UNC5A: variants seen among roughly 807,000 people sequenced by gnomAD.
UNC5A encodes the protein unc-5 netrin receptor A, also known as netrin receptor UNC5A.
A neutral mutation model predicts 87.4 loss-of-function variants in UNC5A; 20 were observed. The ratio of observed to expected loss-of-function variants is 0.23; its 90% confidence interval spans 0.16 to 0.33. The LOEUF is 0.33. Among genes scored for constraint, UNC5A ranks in the 10% least tolerant of loss-of-function variants. UNC5A has a pLI of 1.00. For missense variants in UNC5A, 844 were observed against 1,133.4 expected, an observed-to-expected ratio of 0.74 and a Z score of 3.67; for synonymous variants, 438 against 482.3, an observed-to-expected ratio of 0.91 and a Z score of 1.20.
chr5:176,825,919 C>T (rs1450921041), intron 1 of UNC5A, among the ~76,000 whole-genome samples: 3 of 152,170 alleles, frequency 2.0e-5, no homozygotes, highest in Admixed American at 6.5e-5. Context: ...GGCCGTGTGA[C>T]CATGAGGGAG....
chr5:176,867,931 C>A (rs1353214101), intron 2 of UNC5A, among the ~76,000 whole-genome samples, 199 bp from the exon 3 acceptor site: 1 of 152,156 alleles, frequency 6.6e-6, no homozygotes, highest in East Asian at 1.9e-4. Context: ...AATCAAGCGG[C>A]CCTTGGGCCC....
rs1179793659 is a variant in UNC5A, at chr5:176,838,003, G to C, written c.71-24621G>C. On this transcript the variant is annotated intron_variant, in intron 1 of 14. Coordinates refer to ENST00000329542, the MANE Select transcript of UNC5A (RefSeq NM_133369.3). The surrounding 1 kb of genome is among the most constrained non-coding windows in gnomAD (Gnocchi z 4.2). Reference sequence around the variant, plus strand: ...AGCACATATACATCCAGTCACTGTTGTGCAAGAGTACACTACTGAACGGAA... The same window carrying C: ...AGCACATATACATCCAGTCACTGTTCTGCAAGAGTACACTACTGAACGGAA... Among the ~76,000 whole-genome samples the C allele has an allele frequency of 6.6e-6, 1 of 152,152 alleles. No homozygotes were observed. Among genetic ancestry groups the C allele is most frequent in the East Asian group, 1.9e-4 (1 of 5,188 alleles).
rs145212199 is a variant in UNC5A at position 176,846,109 on chromosome 5, C to T, written c.71-16515C>T. On this transcript the variant is annotated intron_variant, in intron 1 of 14. Transcript: ENST00000329542. ...GGGTAGCCACATAGGATGGCTGAGGCGAAATGTTCTGCAGTGGCGAGCCTG... is the reference window on the plus strand; with the variant it reads ...GGGTAGCCACATAGGATGGCTGAGGTGAAATGTTCTGCAGTGGCGAGCCTG... Among the ~76,000 whole-genome samples the T allele has an allele frequency of 5.3e-4, 81 of 152,134 alleles. 1 individual carries two copies. The highest frequency in any genetic ancestry group is 2.1e-3 in the South Asian group (10 of 4,812).
Position 176,874,622 on chromosome 5 carries a change from G to A in UNC5A, c.1378+56G>A, listed in dbSNP as rs1758217224. On this transcript the variant is annotated intron_variant, in intron 8 of 14. Coordinates refer to ENST00000329542, the MANE Select transcript of UNC5A (RefSeq NM_133369.3). This position sits in a 1 kb window ranked among gnomAD's most constrained non-coding sequence, Gnocchi z 7.6. The stretch of plus-strand genomic sequence containing the variant: ...TCCACTTCCCTCCTGGAGGAGGACG[G>A]GACAGCCGGACGTTCCTCTCGTGCC... 1 of 1,480,724 alleles carries A rather than the reference G, an allele frequency of 6.8e-7. No homozygotes were observed. Among genetic ancestry groups the A allele is most frequent in the Non-Finnish European group, 9.0e-7 (1 of 1,112,012 alleles). 91.7% of individuals were successfully genotyped at this position (1,480,724 alleles called of 1,614,324 possible).
intron 1 of UNC5A, among the ~76,000 whole-genome samples, chr5:176,851,745 C>T (rs1201990495): frequency 1.3e-5 from 2 of 152,160 alleles, no homozygotes; most frequent in East Asian, 1.9e-4. Flanking sequence ...CAGAGTGGCA[C>T]TCCTAGTTGG....
In UNC5A at chr5:176,874,545, C is replaced by A. The variant is rs1188651353; in HGVS notation, c.1357C>A (p.Arg453=). The stretch of plus-strand genomic sequence containing the variant: ...TGGGACCTTCAACTTCCTCGGGGGC[C>A]GGCTGATGATCCCTAATACAGGTAG... ...TYGTFNFLGG[R]LMIPNTGISL... is the part of the protein sequence containing the mutation. Residue 453 remains arginine (R), a synonymous_variant, in exon 8 of 15, where the codon CGG becomes AGG. Transcript: ENST00000329542. The surrounding 1 kb of genome is among the most constrained non-coding windows in gnomAD (Gnocchi z 7.6). 3 of 1,571,422 alleles carry A rather than the reference C, an allele frequency of 1.9e-6. No homozygotes were observed. In the African/African-American group the frequency reaches 4.0e-5, roughly 21 times the overall value.
intron 1 of UNC5A, among the ~76,000 whole-genome samples, chr5:176,851,234 T>C (rs1757534646): frequency 6.6e-6 from 1 of 152,242 alleles, no homozygotes; most frequent in Non-Finnish European, 1.5e-5. Flanking sequence ...TTAGAATTGT[T>C]GTGAGGGTTA....
intron 2 of UNC5A, among the ~76,000 whole-genome samples, chr5:176,864,606 C>T (rs904182769): frequency 1.3e-5 from 2 of 152,210 alleles, no homozygotes; most frequent in Non-Finnish European, 1.5e-5. Flanking sequence ...CAGCCCTTCT[C>T]GTCTGCAGCA....
chr5:176,829,889 T>TTTTTTTTTTTTTTTC (rs1756957974), intron 1 of UNC5A, among the ~76,000 whole-genome samples: 1 of 143,104 alleles, frequency 7.0e-6, no homozygotes, highest in East Asian at 2.1e-4. Flanking sequence ...TCCTTTTTTT[T>TTTTTTTTTTTTTTTC]TTTGAGATGG....
chr5:176,874,194 TC>T lies in UNC5A; in HGVS notation c.1075+41del, dbSNP rs747876634. 1 of 1,604,004 alleles carries T rather than the reference TC, an allele frequency of 6.2e-7. No homozygotes were observed. The highest frequency in any genetic ancestry group is 8.5e-7 in the Non-Finnish European group (1 of 1,173,044). ...GTGCCCCCAGCACTCCTGCCCCAGCTCCCACGCCAAGGGCTGCTGGGGCAGG... is the reference window on the plus strand; with the variant it reads ...GTGCCCCCAGCACTCCTGCCCCAGCTCCACGCCAAGGGCTGCTGGGGCAGG... On this transcript the variant is annotated intron_variant, in intron 7 of 14. Transcript: ENST00000329542. This position sits in a 1 kb window ranked among gnomAD's most constrained non-coding sequence, Gnocchi z 7.6.
At position 176,877,083 on chromosome 5, in the gene UNC5A, C is replaced by T. The variant is rs575283873; in HGVS notation, c.1379-109C>T. 68 of 860,234 alleles carry T rather than the reference C, an allele frequency of 7.9e-5. 2 individuals are homozygous for T. The highest frequency in any genetic ancestry group is 4.9e-4 in the South Asian group (29 of 59,170). The allele number at this position is 860,234 out of a possible 1,614,324, so 53.3% of individuals were successfully genotyped here. On this transcript the variant is annotated intron_variant, in intron 8 of 14. Transcript: ENST00000329542. Reference sequence around the variant, plus strand: ...CTTTGAGGCCCCTCTGTCCCCAGGCCGGGCTGGCACCAGTCAGTCCTCACA... The same window carrying T: ...CTTTGAGGCCCCTCTGTCCCCAGGCTGGGCTGGCACCAGTCAGTCCTCACA...
At chr5:176,868,053 G>C (rs1758016856) in intron 2 of UNC5A, 77 bp from the exon 3 acceptor site, 3 of 1,417,952 alleles carry the variant, frequency 2.1e-6, no homozygotes, top group Non-Finnish European at 2.9e-6. Flanking sequence ...GAGAGTGGCT[G>C]AGGGTGGCGC....
chr5:176,847,224 G>A (rs1057398272), intron 1 of UNC5A, among the ~76,000 whole-genome samples: 2 of 152,376 alleles, frequency 1.3e-5, no homozygotes, highest in East Asian at 3.9e-4. Flanking sequence ...ATGCTTGGAT[G>A]AAAATGCCCC....
chr5:176,830,498 G>C (rs1472393995), intron 1 of UNC5A, among the ~76,000 whole-genome samples: 2 of 148,272 alleles, frequency 1.3e-5, no homozygotes, highest in Non-Finnish European at 3.0e-5. Context: ...GCGTATGTGT[G>C]TGCTGCTGTG....
At position 176,877,227 on chromosome 5, in the gene UNC5A, C is replaced by A; in HGVS notation, c.1414C>A (p.Arg472=). 2 of 1,612,866 alleles carry A rather than the reference C, an allele frequency of 1.2e-6. No individual in the cohort carries two copies. The highest frequency in any genetic ancestry group is 1.7e-6 in the Non-Finnish European group (2 of 1,179,742). ...SLLIPPDAIP[R]GKIYEIYLTL... is the part of the protein sequence containing the mutation. ...CCTCATCCCCCCAGATGCCATACCC[C>A]GAGGGAAGATCTATGAGATCTACCT... Residue 472 remains arginine, a synonymous_variant, in exon 9 of 15, where the codon CGA becomes AGA. Transcript: ENST00000329542.
intron 1 of UNC5A, among the ~76,000 whole-genome samples, chr5:176,854,428 G>A (rs1413119942): frequency 1.3e-5 from 2 of 152,224 alleles, no homozygotes; most frequent in Admixed American, 1.3e-4. Context: ...CCGCAGGGAT[G>A]CAGGTGGCAG....
rs960556784 is a variant in UNC5A at position 176,820,266 on chromosome 5, G to A, written c.70+9446G>A. 5.3e-5 allele frequency among the ~76,000 whole-genome samples: 8 copies of A among 152,254 alleles called. No homozygotes were observed. The East Asian group carries it at 1.2e-3, about 22-fold the overall frequency. On this transcript the variant is annotated intron_variant, in intron 1 of 14. Transcript: ENST00000329542. The stretch of plus-strand genomic sequence containing the variant: ...CAAAAAATTAGCCAGGCGTGGTGGC[G>A]GGCACCTGTAGTCCCAGCTACTTGG...
At position 176,829,016 on chromosome 5, in the gene UNC5A, A is replaced by T. The variant is rs774572500; in HGVS notation, c.70+18196A>T. ...TGGTGGTGCGCCTGTAATTCCAGCC[A>T]CTCAGGAGGCTGAGGCAGGAGAATC... On this transcript the variant is annotated intron_variant, in intron 1 of 14. Coordinates refer to ENST00000329542, the MANE Select transcript of UNC5A (RefSeq NM_133369.3). 9.2e-5 allele frequency among the ~76,000 whole-genome samples: 14 copies of T among 151,984 alleles called. No individual in the cohort carries two copies. In the South Asian group the frequency reaches 1.5e-3, roughly 16 times the overall value.
chr5:176,821,627 C>T (rs1756730545), intron 1 of UNC5A, among the ~76,000 whole-genome samples: 1 of 152,212 alleles, frequency 6.6e-6, no homozygotes, highest in South Asian at 2.1e-4. Context: ...GGTGTAAATA[C>T]TCCCACCACA....
Sources: gnomAD v4.1 joint callset for allele counts (sites outside exome capture counted in the v4.1 genomes callset) on GRCh38, gnomAD v4.1.1 for gene constraint, Gnocchi (gnomAD v3.1) non-coding constraint, MANE v1.5 for transcripts, NCBI Gene and HGNC (gene_info 2026-07-23, HGNC 2026-07-21) for gene names.